TXLNB: variants seen among roughly 807,000 people sequenced by gnomAD.
TXLNB encodes taxilin beta, also known as beta-taxilin.
In TXLNB, 37 loss-of-function variants were observed where a neutral mutation model predicts 57.4. The observed-to-expected ratio is 0.64, with a 90% CI of 0.50 to 0.85. TXLNB has a LOEUF of 0.85. TXLNB is among the 40% of genes least tolerant of loss of function. The pLI, the probability that TXLNB is intolerant of heterozygous loss-of-function variation, is 0.00. For missense variants in TXLNB, 848 were observed against 825.6 expected, an observed-to-expected ratio of 1.03 and a Z score of -0.33; for synonymous variants, 302 against 309.6, an observed-to-expected ratio of 0.98 and a Z score of 0.26.
the TXLNB span, among the ~76,000 whole-genome samples, chr6:139,181,065 C>T: frequency 0.028 from 4,205 of 152,284 alleles, 199 homozygotes; most frequent in African/African-American, 0.096. Context: ...CCAAAATTAT[C>T]GTTCCGGTTT....
chr6:139,209,411 C>T, the TXLNB span, among the ~76,000 whole-genome samples: 1 of 152,284 alleles, frequency 6.6e-6, no homozygotes, highest in South Asian at 2.1e-4. Context: ...CATCAAAATA[C>T]TATCATCCTA....
chr6:139,302,333 AAAGG>A, the TXLNB span, among the ~76,000 whole-genome samples: 345 of 152,034 alleles, frequency 2.3e-3, 2 homozygotes, highest in African/African-American at 7.2e-3. Flanking sequence ...AAAAAAAAAA[AAAGG>A]AGCTGTTTTA....
the TXLNB span, among the ~76,000 whole-genome samples, chr6:139,321,536 G>A: frequency 6.8e-6 from 1 of 146,708 alleles, no homozygotes; most frequent in Admixed American, 6.7e-5. Flanking sequence ...CTATGACTGA[G>A]CTCTCCTTTT....
the TXLNB span, among the ~76,000 whole-genome samples, chr6:139,233,055 T>C: frequency 2.0e-5 from 3 of 152,108 alleles, no homozygotes; most frequent in African/African-American, 7.2e-5. Context: ...TATGCTTCCA[T>C]GTTTTTATGA....
intron 2 of TXLNB, among the ~76,000 whole-genome samples, chr6:139,278,080 C>A (rs1198911386): frequency 6.6e-6 from 1 of 152,188 alleles, no homozygotes; most frequent in Admixed American, 6.5e-5. Flanking sequence ...AACCTGGCAA[C>A]TTTACATGGA....
At chr6:139,295,870 C>A (rs940924875), upstream of TXLNB, among the ~76,000 whole-genome samples, 1 of 152,084 alleles carries the variant, frequency 6.6e-6, no homozygotes, top group Non-Finnish European at 1.5e-5. Flanking sequence ...TTGATAATTT[C>A]TTTTTCTTTT....
intron 2 of TXLNB, 131 bp downstream of exon 2, chr6:139,288,345 A>G: frequency 1.1e-6 from 1 of 904,104 alleles, no homozygotes; most frequent in Non-Finnish European, 1.7e-6. Flanking sequence ...GACAAATACA[A>G]CAAGGGAAAA....
the TXLNB span, among the ~76,000 whole-genome samples, chr6:139,231,971 C>G: frequency 6.6e-6 from 1 of 152,182 alleles, no homozygotes; most frequent in Non-Finnish European, 1.5e-5. Context: ...AATAGTCTGA[C>G]TGTGAGGAAT....
the TXLNB span, among the ~76,000 whole-genome samples, chr6:139,210,680 A>G: frequency 6.6e-6 from 1 of 152,254 alleles, no homozygotes; most frequent in African/African-American, 2.4e-5. Context: ...AAGCAGGGCG[A>G]GGCATCGCCT....
chr6:139,243,585 C>A (rs1776004741), intron 9 of TXLNB, among the ~76,000 whole-genome samples: 1 of 149,082 alleles, frequency 6.7e-6, no homozygotes, highest in East Asian at 2.0e-4. Flanking sequence ...GGTCAGGCTT[C>A]CTTCTGCTTT....
At chr6:139,309,573 A>ATT in the TXLNB span, among the ~76,000 whole-genome samples, 2 of 152,156 alleles carry the variant, frequency 1.3e-5, no homozygotes, top group African/African-American at 2.4e-5. Context: ...CTCTTGTCCA[A>ATT]ACTACACACT....
chr6:139,185,961 C>T, the TXLNB span, among the ~76,000 whole-genome samples: 3 of 152,108 alleles, frequency 2.0e-5, no homozygotes, highest in African/African-American at 7.2e-5. Flanking sequence ...CAAACCCAGA[C>T]ATTAGTTAGT....
chr6:139,261,105 C>T (rs1776469954), intron 5 of TXLNB, among the ~76,000 whole-genome samples: 1 of 152,124 alleles, frequency 6.6e-6, no homozygotes, highest in Non-Finnish European at 1.5e-5. Context: ...TCCAACTCTA[C>T]CTCAGGATGG....
At chr6:139,217,714 A>T in the TXLNB span, among the ~76,000 whole-genome samples, 1 of 151,194 alleles carries the variant, frequency 6.6e-6, no homozygotes, top group Non-Finnish European at 1.5e-5. Context: ...TAAAAAATAC[A>T]AAAAATTAGC....
the TXLNB span, among the ~76,000 whole-genome samples, chr6:139,185,018 G>C: frequency 6.6e-6 from 1 of 152,258 alleles, no homozygotes; most frequent in African/African-American, 2.4e-5. Context: ...TTAACAAATT[G>C]CATATTTTTC....
At chr6:139,273,956 G>C (rs1306222428) in intron 3 of TXLNB, among the ~76,000 whole-genome samples, 1 of 152,112 alleles carries the variant, frequency 6.6e-6, no homozygotes, top group African/African-American at 2.4e-5. Flanking sequence ...ATTTAACTTA[G>C]GCATAGTTCT....
At chr6:139,170,227 A>G in the TXLNB span, 3 of 152,218 alleles carry the variant, frequency 2.0e-5, no homozygotes, top group Non-Finnish European at 4.4e-5. Context: ...TTCTTTTTCT[A>G]TCCATGATGG....
At chr6:139,162,759 T>C in the TXLNB span, among the ~76,000 whole-genome samples, 2 of 152,302 alleles carry the variant, frequency 1.3e-5, no homozygotes, top group Admixed American at 1.3e-4. Flanking sequence ...TTTGGTGGAA[T>C]GTTGTGTCTG....
chr6:139,286,564 C>A (rs1305585405), intron 2 of TXLNB, among the ~76,000 whole-genome samples: 1 of 152,166 alleles, frequency 6.6e-6, no homozygotes, highest in Non-Finnish European at 1.5e-5. Flanking sequence ...AATCCCAGCA[C>A]TTTGGGAGGG....
Sources: allele counts gnomAD v4.1 joint callset (sites outside exome capture counted in the v4.1 genomes callset), GRCh38; gene constraint gnomAD v4.1.1; transcripts MANE v1.5; gene names NCBI Gene and HGNC (gene_info 2026-07-23, HGNC 2026-07-21).